ROBO1: variants seen among roughly 807,000 people sequenced by gnomAD.
The protein encoded by ROBO1 is roundabout homolog 1.
ROBO1 carries 149 observed loss-of-function variants against 195.9 expected under a neutral mutation model. The observed-to-expected ratio is 0.76, with a 90% CI of 0.67 to 0.87. The LOEUF (loss-of-function observed/expected upper bound fraction) is 0.87. Among genes scored for constraint, ROBO1 ranks in the 40% least tolerant of loss-of-function variants. ROBO1 has a pLI of 0.00. For missense variants in ROBO1, 1,933 were observed against 2,068.3 expected (o/e 0.93, Z 1.27); for synonymous variants, 816 against 733.2 (o/e 1.11, Z -1.82).
chr3:79,719,556 GGAA>G (rs1306131274), intron 1 of ROBO1, among the ~76,000 whole-genome samples: 11 of 152,074 alleles, frequency 7.2e-5, no homozygotes, highest in African/African-American at 2.7e-4. Flanking sequence ...AATGTTGGTG[GGAA>G]GATGGTCATT....
At chr3:79,170,014 CAAAG>C (rs1290508400) in intron 2 of ROBO1, among the ~76,000 whole-genome samples, 1 of 151,994 alleles carries the variant, frequency 6.6e-6, no homozygotes, top group East Asian at 1.9e-4. Flanking sequence ...CGTTTATAGT[CAAAG>C]AGAGAGAGCG....
At chr3:79,056,988 G>C (rs546466610) in intron 3 of ROBO1, among the ~76,000 whole-genome samples, 103 of 152,192 alleles carry the variant, frequency 6.8e-4, no homozygotes, top group African/African-American at 2.4e-3. Flanking sequence ...CGAAGTTCAA[G>C]CCGCCTTTCA....
intron 1 of ROBO1, among the ~76,000 whole-genome samples, chr3:79,760,194 G>T (rs1393645274): frequency 6.6e-5 from 8 of 121,112 alleles, no homozygotes; most frequent in South Asian, 2.9e-4. Context: ...CCGAGATCGC[G>T]CCACTGCACT....
At chr3:79,269,464 G>A (rs1047615883) in intron 2 of ROBO1, among the ~76,000 whole-genome samples, 2 of 151,532 alleles carry the variant, frequency 1.3e-5, no homozygotes, top group African/African-American at 4.8e-5. Flanking sequence ...TTACTAGTTG[G>A]GGACAAAGGG....
chr3:79,135,038 T>TAAA (rs372948758), intron 2 of ROBO1, among the ~76,000 whole-genome samples: 18 of 148,578 alleles, frequency 1.2e-4, no homozygotes, highest in African/African-American at 4.2e-4. Flanking sequence ...TAGAGTATAA[T>TAAA]AAAAAAAAAC....
chr3:79,675,687 G>A (rs1172707896), intron 1 of ROBO1, among the ~76,000 whole-genome samples: 1 of 151,940 alleles, frequency 6.6e-6, no homozygotes, highest in African/African-American at 2.4e-5. Flanking sequence ...TGAGAAAATG[G>A]GGGAAAAACA....
chr3:79,214,728 T>C (rs916335165), intron 2 of ROBO1, among the ~76,000 whole-genome samples: 6 of 148,672 alleles, frequency 4.0e-5, no homozygotes, highest in African/African-American at 1.2e-4. Flanking sequence ...TATATATATA[T>C]TTGCTATATA....
intron 2 of ROBO1, among the ~76,000 whole-genome samples, chr3:79,483,233 G>T (rs78562769): frequency 6.6e-6 from 1 of 152,290 alleles, no homozygotes; most frequent in East Asian, 1.9e-4. Context: ...GCAGATGGCT[G>T]AAGTGGAACA....
intron 5 of ROBO1, among the ~76,000 whole-genome samples, chr3:78,724,362 A>G (rs2082113457): frequency 6.6e-6 from 1 of 151,878 alleles, no homozygotes; most frequent in African/African-American, 2.4e-5. Flanking sequence ...ACCCACTTTC[A>G]AGCAGTGCCT....
chr3:78,710,118 G>A (rs1295951097), intron 8 of ROBO1, among the ~76,000 whole-genome samples: 2 of 151,992 alleles, frequency 1.3e-5, no homozygotes, highest in Admixed American at 6.6e-5. Flanking sequence ...CACCCAGGTT[G>A]GAGTGCAAGG....
At chr3:79,607,133 A>ACACACC (rs1944513789) in intron 1 of ROBO1, among the ~76,000 whole-genome samples, 1 of 149,796 alleles carries the variant, frequency 6.7e-6, no homozygotes, top group Admixed American at 6.7e-5. Flanking sequence ...ACACACACAC[A>ACACACC]TAGTGGAACC....
chr3:79,317,211 C>A (rs572610880), intron 2 of ROBO1, among the ~76,000 whole-genome samples: 9 of 152,212 alleles, frequency 5.9e-5, no homozygotes, highest in Non-Finnish European at 8.8e-5. Flanking sequence ...AAGAATGCCA[C>A]CAATCTCCAA....
chr3:78,946,457 C>T (rs1156784154), intron 3 of ROBO1, among the ~76,000 whole-genome samples: 1 of 152,150 alleles, frequency 6.6e-6, no homozygotes, highest in Non-Finnish European at 1.5e-5. Context: ...AAATACTTTA[C>T]AGACAAGCAA....
rs149560023 is a variant in ROBO1 at position 78,743,068 on chromosome 3, G to A, written c.657+3675C>T. Among the ~76,000 whole-genome samples, 795 of 152,152 alleles carry A rather than the reference G, an allele frequency of 5.2e-3. 8 individuals are homozygous for A. The highest frequency in any genetic ancestry group is 0.038 in the South Asian group (185 of 4,818). ...TCACAAAAAATTAACACATACACAA[G>A]CATACACACAAAATATAACCTTTAA... On this transcript the variant is annotated intron_variant, in intron 5 of 30. Coordinates refer to ENST00000464233, the MANE Select transcript of ROBO1 (RefSeq NM_002941.4).
chr3:78,921,804 T>G (rs2038950934), intron 4 of ROBO1, among the ~76,000 whole-genome samples: 2 of 152,058 alleles, frequency 1.3e-5, no homozygotes. Context: ...TTTTTTTTTT[T>G]TTTGAAACAG....
chr3:79,446,615 A>G (rs2039266731), intron 2 of ROBO1, among the ~76,000 whole-genome samples: 1 of 152,174 alleles, frequency 6.6e-6, no homozygotes, highest in African/African-American at 2.4e-5. Context: ...CATGTTATAC[A>G]TCTTGTTCTT....
chr3:79,318,972 C>T (rs1576968627), intron 2 of ROBO1, among the ~76,000 whole-genome samples: 1 of 152,042 alleles, frequency 6.6e-6, no homozygotes, highest in Non-Finnish European at 1.5e-5. Flanking sequence ...ATAATCAATA[C>T]CATTTTTATT....
intron 1 of ROBO1, among the ~76,000 whole-genome samples, chr3:79,603,356 C>G (rs190100395): frequency 6.6e-6 from 1 of 151,972 alleles, no homozygotes; most frequent in Non-Finnish European, 1.5e-5. Context: ...TCTGGAAGAA[C>G]CAAGGGCATC....
chr3:79,386,244 C>T (rs772947260), intron 2 of ROBO1, among the ~76,000 whole-genome samples: 1 of 152,030 alleles, frequency 6.6e-6, no homozygotes, highest in Non-Finnish European at 1.5e-5. Flanking sequence ...TTCGATAGAA[C>T]TCTAGGGAGT....
Sources: allele counts gnomAD v4.1 joint callset (sites outside exome capture counted in the v4.1 genomes callset), GRCh38; gene constraint gnomAD v4.1.1; transcripts MANE v1.5; gene names NCBI Gene and HGNC (gene_info 2026-07-23, HGNC 2026-07-21).